The following SMC6 variants were observed in gnomAD, a reference collection of about 807,000 sequenced individuals.
SMC6 encodes structural maintenance of chromosomes 6.
A neutral mutation model predicts 142.2 loss-of-function variants in SMC6; 79 were observed. The ratio of observed to expected loss-of-function variants is 0.56; its 90% CI spans 0.46 to 0.67. The LOEUF (loss-of-function observed/expected upper bound fraction) is 0.67. Among genes scored for constraint, SMC6 ranks in the 30% least tolerant of loss-of-function variants. The pLI, the probability that SMC6 is intolerant of heterozygous loss-of-function variation, is 0.00. For missense variants in SMC6, 1,072 were observed against 1,284.0 expected (o/e 0.83, Z 2.52); for synonymous variants, 411 against 412.4 (o/e 1.00, Z 0.04).
Position 17,716,260 on chromosome 2 carries a change from C to G in SMC6, c.1351G>C (p.Glu451Gln). The G allele has an allele frequency of 6.2e-7, 1 of 1,601,994 alleles. No individual in the cohort carries two copies. Residue 451 changes from glutamate to glutamine, a missense_variant, in exon 15 of 28, where the codon GAA (glutamate) becomes CAA (glutamine). Physicochemically the swap from Glu to Gln is conservative, Grantham distance 29. Around this residue, in one of 3 missense-constraint regions of SMC6, gnomAD observed 994 missense variants for 1,153.2 expected, o/e 0.86. Coordinates refer to ENST00000448223, the MANE Select transcript of SMC6 (RefSeq NM_001142286.2). ...AGTGCATGCTTCACATCTAATTCTT[C>G]TCTCCTAAAAAACAAAAGCAGAAAA... ...DKEEHGKIKR[E>Q]ELDVKHALSY...
At chr2:17,686,703 A>T (rs919095809) in intron 23 of SMC6, among the ~76,000 whole-genome samples, 1 of 152,120 alleles carries the variant, frequency 6.6e-6, no homozygotes, top group African/African-American at 2.4e-5. Context: ...TACATGTATG[A>T]CATACATACA....
At chr2:17,686,554 A>G (rs1003625945) in intron 23 of SMC6, among the ~76,000 whole-genome samples, 3 of 152,188 alleles carry the variant, frequency 2.0e-5, no homozygotes, top group African/African-American at 7.2e-5. Context: ...ATATGATGCC[A>G]AAAGTGAAAA....
intron 11 of SMC6, among the ~76,000 whole-genome samples, chr2:17,719,117 C>T (rs964489731): frequency 1.3e-5 from 2 of 152,166 alleles, no homozygotes; most frequent in Admixed American, 6.5e-5. Context: ...ACACTTCAGG[C>T]TTTGTGGGCC....
intron 21 of SMC6, among the ~76,000 whole-genome samples, chr2:17,699,384 A>C (rs1284656777): frequency 6.6e-6 from 1 of 152,040 alleles, no homozygotes; most frequent in Non-Finnish European, 1.5e-5. Context: ...CCTTTTCTTT[A>C]ATTTCCAGAA....
At chr2:17,701,704 A>G in intron 20 of SMC6, 125 bp downstream of exon 20, 1 of 618,420 alleles carries the variant, frequency 1.6e-6, no homozygotes, top group South Asian at 2.1e-5. Context: ...TGGTGAATGG[A>G]GACAGCAATC....
At chr2:17,674,647 T>G (rs940804243) in intron 25 of SMC6, among the ~76,000 whole-genome samples, 2 of 152,200 alleles carry the variant, frequency 1.3e-5, no homozygotes, top group African/African-American at 4.8e-5. Context: ...AATTTCCAAC[T>G]GTAATTGTCA....
At chr2:17,745,144 T>C (rs895739422) in intron 3 of SMC6, among the ~76,000 whole-genome samples, 3 of 152,202 alleles carry the variant, frequency 2.0e-5, no homozygotes, top group African/African-American at 7.2e-5. Context: ...TCTGCAACCA[T>C]ATCTATTAGG....
At chr2:17,688,315 T>TA (rs36077684) in intron 23 of SMC6, among the ~76,000 whole-genome samples, 18,719 of 130,052 alleles carry the variant, frequency 0.14, 1,461 homozygotes, top group African/African-American at 0.26. Flanking sequence ...AAAATGCTAT[T>TA]AAAAAAAAAA....
chr2:17,670,505 A>G lies in SMC6; in HGVS notation c.2981T>C (p.Phe994Ser). 1 of 1,608,686 alleles carries G rather than the reference A, an allele frequency of 6.2e-7. No homozygotes were observed. Among genetic ancestry groups the G allele is most frequent in the Non-Finnish European group, 8.5e-7 (1 of 1,178,594 alleles). The change falls in exon 26 of 28, where the codon TTC becomes TCC. Residue 994 changes from phenylalanine to serine, a missense_variant. Around this residue, in one of 3 missense-constraint regions of SMC6, gnomAD observed 2 missense variants for 18.5 expected, o/e 0.11. Coordinates refer to ENST00000448223, the MANE Select transcript of SMC6 (RefSeq NM_001142286.2). ...MRALSGGERS[F>S]STVCFILSLW... ...GGAAAGAATAAAACACACTGTGGAG[A>G]AAGAACGTTCACCTCCAGACAAGGC...
chr2:17,691,015 A>T (rs1049063250), intron 23 of SMC6, among the ~76,000 whole-genome samples: 1 of 151,784 alleles, frequency 6.6e-6, no homozygotes, highest in Non-Finnish European at 1.5e-5. Context: ...GTGTTCCACC[A>T]TTTGCAACAA....
intron 24 of SMC6, chr2:17,679,268 G>T: frequency 4.6e-6 from 1 of 215,298 alleles, no homozygotes; most frequent in East Asian, 1.1e-4. Context: ...GAATGCATCA[G>T]TCATTCAACT....
At chr2:17,737,504 A>T (rs1376985978) in intron 5 of SMC6, among the ~76,000 whole-genome samples, 2 of 152,228 alleles carry the variant, frequency 1.3e-5, no homozygotes, top group Non-Finnish European at 2.9e-5. Context: ...GAAAAGAATG[A>T]AGAGATAAGC....
chr2:17,685,298 A>G (rs1197340199), intron 23 of SMC6, among the ~76,000 whole-genome samples: 1 of 152,162 alleles, frequency 6.6e-6, no homozygotes, highest in East Asian at 1.9e-4. Context: ...TTGAAAAAGC[A>G]ATGTTTAGCA....
chr2:17,752,137 G>A (rs1032996401), intron 2 of SMC6, among the ~76,000 whole-genome samples: 7 of 152,154 alleles, frequency 4.6e-5, no homozygotes, highest in Non-Finnish European at 8.8e-5. Context: ...GCTAGGTACA[G>A]TCAATCCCTA....
At position 17,745,345 on chromosome 2, in the gene SMC6, T is replaced by C. The variant is rs186261723; in HGVS notation, c.120+482A>G. On this transcript the variant is annotated intron_variant, in intron 3 of 27. Transcript: ENST00000448223. The stretch of plus-strand genomic sequence containing the variant: ...GGCCTGTAGATTTCTTTTATAGGAA[T>C]TTAAAAATATGAATTAAATCTCCTT... Among the ~76,000 whole-genome samples the C allele has an allele frequency of 1.5e-3, 233 of 152,314 alleles. 1 individual carries two copies. Among genetic ancestry groups the C allele is most frequent in the Non-Finnish European group, 2.0e-3 (136 of 68,012 alleles).
chr2:17,670,290 TG>T, intron 26 of SMC6, 132 bp downstream of exon 26: 1 of 898,902 alleles, frequency 1.1e-6, no homozygotes, highest in Non-Finnish European at 1.7e-6. Flanking sequence ...TCCCCACTAC[TG>T]GTCACAGACT....
In SMC6 at chr2:17,667,037, G is replaced by T. The variant is rs189961476; in HGVS notation, c.3064-520C>A. ...AATAACTGAATAAATATGTCTTTCA[G>T]GTAATTTCTATAGTCAAAATATTTG... On this transcript the variant is annotated intron_variant, in intron 26 of 27. Coordinates refer to ENST00000448223, the MANE Select transcript of SMC6 (RefSeq NM_001142286.2). 5.3e-5 allele frequency among the ~76,000 whole-genome samples: 8 copies of T among 152,294 alleles called. No individual in the cohort carries two copies. In the East Asian group the frequency reaches 1.5e-3, roughly 29 times the overall value.
At chr2:17,715,556 A>C (rs1669042260) in intron 15 of SMC6, among the ~76,000 whole-genome samples, 1 of 152,186 alleles carries the variant, frequency 6.6e-6, no homozygotes, top group Non-Finnish European at 1.5e-5. Flanking sequence ...AAATATATTT[A>C]TAAGCATTTT....
intron 23 of SMC6, among the ~76,000 whole-genome samples, chr2:17,686,424 G>T (rs1361609533): frequency 3.3e-5 from 5 of 152,186 alleles, no homozygotes; most frequent in African/African-American, 9.7e-5. Context: ...AGAGGTTGCA[G>T]TGAGCCAAGA....
Sources: allele counts gnomAD v4.1 joint callset (sites outside exome capture counted in the v4.1 genomes callset), GRCh38; gene constraint gnomAD v4.1.1; regional missense constraint gnomAD v4.1.1; transcripts MANE v1.5; gene names NCBI Gene and HGNC (gene_info 2026-07-23, HGNC 2026-07-21).